Variants in ASIC2 observed in about 807,000 individuals in gnomAD.
The protein encoded by ASIC2 is acid sensing ion channel subunit 2.
Under a neutral mutation model 57.3 loss-of-function variants are expected in ASIC2, and 25 were observed. The ratio of observed to expected loss-of-function variants is 0.44; its 90% CI spans 0.32 to 0.61. The LOEUF is 0.61. Among genes scored for constraint, ASIC2 ranks in the 20% least tolerant of loss-of-function variants. The pLI is 0.06. For synonymous variants in ASIC2, 319 were observed against 307.5 expected, an observed-to-expected ratio of 1.04 and a Z score of -0.39; for missense variants, 641 against 738.1, an observed-to-expected ratio of 0.87 and a Z score of 1.52.
intron 1 of ASIC2, among the ~76,000 whole-genome samples, chr17:34,108,831 G>T (rs1004125755): frequency 1.3e-5 from 2 of 151,798 alleles, no homozygotes; most frequent in Admixed American, 1.3e-4. Flanking sequence ...ATTTATAATT[G>T]TTATGTCTTC....
At chr17:33,867,498 C>G (rs1441663129) in intron 1 of ASIC2, among the ~76,000 whole-genome samples, 1 of 152,216 alleles carries the variant, frequency 6.6e-6, no homozygotes, top group Admixed American at 6.5e-5. Flanking sequence ...CATCTCCATC[C>G]AATTCCAAAG....
chr17:33,494,973 C>T (rs1913881314), intron 1 of ASIC2, among the ~76,000 whole-genome samples: 1 of 152,144 alleles, frequency 6.6e-6, no homozygotes, highest in Non-Finnish European at 1.5e-5. Context: ...CAGAAGTTCC[C>T]AACTAAGTGA....
intron 1 of ASIC2, among the ~76,000 whole-genome samples, chr17:33,463,022 C>T (rs1351181254): frequency 6.6e-6 from 1 of 152,216 alleles, no homozygotes; most frequent in Non-Finnish European, 1.5e-5. Flanking sequence ...TATATATCAT[C>T]TTCTCCAATT....
intron 1 of ASIC2, among the ~76,000 whole-genome samples, chr17:33,940,219 C>A (rs1916155345): frequency 6.6e-6 from 1 of 152,156 alleles, no homozygotes; most frequent in Admixed American, 6.5e-5. Flanking sequence ...AGTAAGTTGG[C>A]CCTTGGGCTT....
At position 33,756,259 on chromosome 17, in the gene ASIC2, C is replaced by T. The variant is rs147407336; in HGVS notation, c.555+399719G>A. 6.1e-3 allele frequency among the ~76,000 whole-genome samples: 936 copies of T among 152,310 alleles called. 15 individuals carry two copies. The highest frequency in any genetic ancestry group is 0.02 in the African/African-American group (851 of 41,558). Reference sequence around the variant, plus strand: ...GACCTATTCAATGCCAGCCTTGGCTCTGAGACAGCTGCTGACAGAGTCACC... The same window carrying T: ...GACCTATTCAATGCCAGCCTTGGCTTTGAGACAGCTGCTGACAGAGTCACC... On this transcript the variant is annotated intron_variant, in intron 1 of 9. Coordinates refer to the ASIC2 transcript ENST00000359872.
intron 1 of ASIC2, chr17:34,155,846 C>T (rs1904699217): frequency 6.9e-6 from 7 of 1,010,190 alleles, no homozygotes; most frequent in South Asian, 5.0e-5. Context: ...CAACTACCCT[C>T]GTGGCCTTCA....
intron 1 of ASIC2, among the ~76,000 whole-genome samples, chr17:33,181,109 G>C (rs546709566): frequency 1.8e-4 from 27 of 152,288 alleles, no homozygotes; most frequent in Admixed American, 1.6e-3. Context: ...CATCCACCAG[G>C]GGTCATGTCT....
chr17:33,802,525 C>T (rs1044992218), intron 1 of ASIC2, among the ~76,000 whole-genome samples: 2 of 152,178 alleles, frequency 1.3e-5, no homozygotes, highest in Non-Finnish European at 2.9e-5. Flanking sequence ...GAAGGTGGAC[C>T]GAGAGTCATC....
At chr17:33,897,535 A>C (rs1915125893) in intron 1 of ASIC2, among the ~76,000 whole-genome samples, 1 of 152,238 alleles carries the variant, frequency 6.6e-6, no homozygotes, top group Non-Finnish European at 1.5e-5. Flanking sequence ...TAATTGGTTC[A>C]TATTGACTTT....
At chr17:33,168,803 A>G (rs1905399809) in intron 1 of ASIC2, among the ~76,000 whole-genome samples, 1 of 152,242 alleles carries the variant, frequency 6.6e-6, no homozygotes, top group African/African-American at 2.4e-5. Flanking sequence ...AGGAAAGCAA[A>G]GTGAAAAGAT....
chr17:33,218,724 T>C (rs1293878972), intron 1 of ASIC2, among the ~76,000 whole-genome samples: 6 of 152,182 alleles, frequency 3.9e-5, no homozygotes, highest in African/African-American at 1.4e-4. Flanking sequence ...GAGACTGGAC[T>C]TAAAAACCCA....
intron 1 of ASIC2, among the ~76,000 whole-genome samples, chr17:33,899,396 A>G (rs1915183178): frequency 6.6e-6 from 1 of 151,970 alleles, no homozygotes; most frequent in Non-Finnish European, 1.5e-5. Context: ...ACTTCTCTCT[A>G]TTTCTTGTCT....
At chr17:34,076,009 T>A (rs1419588668) in intron 1 of ASIC2, among the ~76,000 whole-genome samples, 1 of 151,158 alleles carries the variant, frequency 6.6e-6, no homozygotes, top group African/African-American at 2.4e-5. Context: ...TTTTTATTTT[T>A]ATTTTTTTTT....
At chr17:34,103,231 A>C (rs375293041) in intron 1 of ASIC2, among the ~76,000 whole-genome samples, 1 of 152,122 alleles carries the variant, frequency 6.6e-6, no homozygotes, top group African/African-American at 2.4e-5. Context: ...ACGTAGCCTC[A>C]ATCTCCCAGG....
chr17:33,439,611 G>A (rs1358713359), intron 1 of ASIC2, among the ~76,000 whole-genome samples: 2 of 152,150 alleles, frequency 1.3e-5, no homozygotes, highest in Admixed American at 6.5e-5. Context: ...GGGGTTTCAG[G>A]CATGTTGAAA....
At chr17:34,155,607 T>C (rs1248193282) in intron 1 of ASIC2, 3 of 237,790 alleles carry the variant, frequency 1.3e-5, no homozygotes, top group South Asian at 6.8e-5. Context: ...ACACACAGAA[T>C]GCCACCTCGT....
chr17:33,436,173 G>A (rs1448947397), intron 1 of ASIC2, among the ~76,000 whole-genome samples: 1 of 152,240 alleles, frequency 6.6e-6, no homozygotes, highest in Non-Finnish European at 1.5e-5. Context: ...TAACCTTGAA[G>A]CAAGGATGAT....
At chr17:33,045,331 A>G (rs1375596718) in intron 3 of ASIC2, among the ~76,000 whole-genome samples, 3 of 152,200 alleles carry the variant, frequency 2.0e-5, no homozygotes, top group Admixed American at 6.5e-5. Context: ...CCGACGCACC[A>G]TTATAATCAC....
At chr17:33,326,795 A>G (rs1295051578) in intron 1 of ASIC2, among the ~76,000 whole-genome samples, 1 of 152,208 alleles carries the variant, frequency 6.6e-6, no homozygotes, top group African/African-American at 2.4e-5. Context: ...AAGTCAGTCC[A>G]TTGCTGACTT....
Sources: gnomAD v4.1 joint callset for allele counts (sites outside exome capture counted in the v4.1 genomes callset) on GRCh38, gnomAD v4.1.1 for gene constraint, MANE v1.5 for transcripts, NCBI Gene and HGNC (gene_info 2026-07-23, HGNC 2026-07-21) for gene names.